AFF3: variants seen among roughly 807,000 people sequenced by gnomAD.
AFF3 encodes the protein AF4/FMR2 family member 3.
A neutral mutation model predicts 129.7 loss-of-function variants in AFF3; 32 were observed. That is an observed-to-expected ratio of 0.25 (90% confidence interval 0.19 to 0.33). The LOEUF is 0.33. AFF3 is among the 10% of genes least tolerant of loss of function. AFF3 has a pLI of 1.00. For missense variants in AFF3, 1,373 were observed against 1,592.0 expected (o/e 0.86, Z 2.34); for synonymous variants, 644 against 635.4 (o/e 1.01, Z -0.20).
chr2:99,805,198 G>T (rs1686245823), intron 8 of AFF3, among the ~76,000 whole-genome samples: 1 of 152,144 alleles, frequency 6.6e-6, no homozygotes, highest in Non-Finnish European at 1.5e-5. Context: ...CCAGGAAATG[G>T]TATATCTGAT....
At chr2:99,632,697 T>C (rs1463097928) in intron 13 of AFF3, among the ~76,000 whole-genome samples, 1 of 152,114 alleles carries the variant, frequency 6.6e-6, no homozygotes, top group African/African-American at 2.4e-5. Flanking sequence ...TAGAAGAAAA[T>C]TTCCCAGACT....
chr2:100,120,471 C>G (rs981651953), intron 2 of AFF3, among the ~76,000 whole-genome samples: 9 of 146,492 alleles, frequency 6.1e-5, no homozygotes, highest in Admixed American at 4.0e-4. Context: ...CCCCAACCCC[C>G]ACCCTCTGCC....
intron 11 of AFF3, among the ~76,000 whole-genome samples, chr2:99,711,347 A>G (rs1326112515): frequency 6.6e-6 from 1 of 152,060 alleles, no homozygotes; most frequent in African/African-American, 2.4e-5. Flanking sequence ...CTGTAATATG[A>G]GATGTAATAA....
At chr2:100,043,614 T>A (rs562450676) in intron 4 of AFF3, among the ~76,000 whole-genome samples, 1 of 152,350 alleles carries the variant, frequency 6.6e-6, no homozygotes, top group African/African-American at 2.4e-5. Context: ...AAAAGTTTCA[T>A]AATGCAGGAC....
chr2:99,613,887 T>G (rs959712478), intron 13 of AFF3, among the ~76,000 whole-genome samples: 3 of 152,250 alleles, frequency 2.0e-5, no homozygotes, highest in Admixed American at 2.0e-4. Flanking sequence ...AAGTCTTGTT[T>G]GATCAAATAG....
intron 12 of AFF3, among the ~76,000 whole-genome samples, chr2:99,656,811 T>C (rs777965551): frequency 6.6e-6 from 1 of 152,198 alleles, no homozygotes; most frequent in African/African-American, 2.4e-5. Flanking sequence ...TCAGCAATAA[T>C]GAGTCTTTTG....
chr2:100,049,673 G>A (rs1686124540), intron 4 of AFF3, among the ~76,000 whole-genome samples: 2 of 152,320 alleles, frequency 1.3e-5, no homozygotes, highest in South Asian at 4.1e-4. Context: ...AAGAGAATGT[G>A]GCAGAATGGC....
At chr2:99,859,911 A>G (rs1690845279) in intron 7 of AFF3, among the ~76,000 whole-genome samples, 1 of 152,152 alleles carries the variant, frequency 6.6e-6, no homozygotes, top group African/African-American at 2.4e-5. Context: ...ACTTTCAGCC[A>G]ATAAAGCTTA....
At chr2:99,980,018 C>A (rs1679254925) in intron 7 of AFF3, among the ~76,000 whole-genome samples, 1 of 151,824 alleles carries the variant, frequency 6.6e-6, no homozygotes, top group Non-Finnish European at 1.5e-5. Context: ...TAATTGTGTG[C>A]CCTTAATTAA....
intron 8 of AFF3, among the ~76,000 whole-genome samples, chr2:99,823,641 A>C (rs948739954): frequency 5.9e-5 from 9 of 152,210 alleles, no homozygotes; most frequent in African/African-American, 1.9e-4. Context: ...TACTTAAAAA[A>C]ATGAGTAGTC....
chr2:99,554,843 GA>G, intron 22 of AFF3, 111 bp from the exon 23 acceptor site: 20 of 1,219,480 alleles, frequency 1.6e-5, no homozygotes, highest in Non-Finnish European at 2.0e-5. Flanking sequence ...GACACTGCAG[GA>G]AAAAGGCACC....
chr2:99,981,216 C>T (rs1158920213), intron 7 of AFF3, among the ~76,000 whole-genome samples: 5 of 152,086 alleles, frequency 3.3e-5, no homozygotes, highest in Non-Finnish European at 5.9e-5. Context: ...TAGGGTTTCT[C>T]CATGTTGGGG....
chr2:99,883,915 T>C (rs1184378129), intron 7 of AFF3, among the ~76,000 whole-genome samples: 1 of 152,172 alleles, frequency 6.6e-6, no homozygotes, highest in Non-Finnish European at 1.5e-5. Flanking sequence ...TCAGGGGCCT[T>C]GTTTATTAAG....
At chr2:99,671,455 C>G (rs1390809425) in intron 12 of AFF3, among the ~76,000 whole-genome samples, 1 of 152,186 alleles carries the variant, frequency 6.6e-6, no homozygotes. Context: ...GCCTCAGTTT[C>G]TCCCATGACA....
intron 4 of AFF3, among the ~76,000 whole-genome samples, chr2:100,077,235 A>C (rs1290959086): frequency 6.6e-6 from 1 of 152,190 alleles, no homozygotes; most frequent in African/African-American, 2.4e-5. Context: ...GGCGACAGTG[A>C]GACTGTCTCA....
At chr2:99,560,626 A>T (rs1057400347) in intron 20 of AFF3, among the ~76,000 whole-genome samples, 190 bp from the exon 21 acceptor site, 1 of 152,194 alleles carries the variant, frequency 6.6e-6, no homozygotes, top group African/African-American at 2.4e-5. Context: ...CAAGTATTAC[A>T]TTACTGTGAT....
chr2:100,141,320 G>A (rs1259763926), intron 1 of AFF3, among the ~76,000 whole-genome samples: 1 of 152,168 alleles, frequency 6.6e-6, no homozygotes, highest in Non-Finnish European at 1.5e-5. Flanking sequence ...TAGAACAAGG[G>A]AATAGCAGTT....
chr2:100,046,355 A>G (rs1009759715), intron 4 of AFF3, among the ~76,000 whole-genome samples: 7 of 152,194 alleles, frequency 4.6e-5, no homozygotes, highest in Non-Finnish European at 8.8e-5. Flanking sequence ...ACCAGAGTCC[A>G]TGTTCTTAAA....
At chr2:99,880,817 G>A (rs368997190) in intron 7 of AFF3, among the ~76,000 whole-genome samples, 119 of 152,306 alleles carry the variant, frequency 7.8e-4, no homozygotes, top group African/African-American at 2.6e-3. Context: ...GACAGATGAC[G>A]GAGTGCTGTT....
Sources: allele counts gnomAD v4.1 joint callset (sites outside exome capture counted in the v4.1 genomes callset), GRCh38; gene constraint gnomAD v4.1.1; transcripts MANE v1.5; gene names NCBI Gene and HGNC (gene_info 2026-07-23, HGNC 2026-07-21).